The following PET117 variants were observed in gnomAD, a reference collection of about 807,000 sequenced individuals.
The protein encoded by PET117 is PET117 cytochrome c oxidase chaperone, also known as protein PET117 homolog, mitochondrial.
In PET117, 10 loss-of-function variants were observed where a neutral mutation model predicts 9.2. The observed-to-expected ratio is 1.09, with a 90% confidence interval of 0.67 to 1.85. The LOEUF (loss-of-function observed/expected upper bound fraction) is 1.85. Ranked by LOEUF, PET117 falls within the 40% of genes most tolerant of loss-of-function variation. The pLI, the probability that PET117 is intolerant of heterozygous loss-of-function variation, is 0.00. For synonymous variants in PET117, 43 were observed against 37.1 expected, an observed-to-expected ratio of 1.16 and a Z score of -0.57; for missense variants, 96 against 98.2, an observed-to-expected ratio of 0.98 and a Z score of 0.09.
At position 18,138,038 on chromosome 20, in the gene PET117, A is replaced by C. The variant is rs1221352255; in HGVS notation, c.83A>C (p.Gln28Pro). 1.3e-6 allele frequency: 2 copies of C among 1,490,464 alleles called. No individual in the cohort carries two copies. Among genetic ancestry groups the C allele is most frequent in the African/African-American group, 1.5e-5 (1 of 68,616 alleles). 92.3% of individuals were successfully genotyped at this position (1,490,464 alleles called of 1,614,324 possible). A position where few individuals can be genotyped will look rare whatever the true frequency, so the allele number is the denominator to read the frequency against. The change falls in exon 1 of 2, where the codon CAG becomes CCG. Residue 28 changes from glutamine (Q) to proline (P), a missense_variant. Physicochemically the swap from Gln to Pro is moderately conservative, Grantham distance 76 (BLOSUM62 -1). Transcript: ENST00000432901. ...GTGGCCGGCGTACATGTGAAGCAGC[A>C]GTGGGACCAGCAGGTCGGTGTCACG... The part of the protein sequence containing the change: ...ATVAGVHVKQ[Q>P]WDQQRLRDGV...
rs748045482 is a variant in PET117, at chr20:18,137,881, C to G, written c.-75C>G. On this transcript the variant is annotated 5_prime_UTR_variant, in exon 1 of 2. Transcript: ENST00000432901. ...AGGGGTCGAGCCTGGGCAGTACAGG[C>G]GGCGGTGCGCACTCTGCGGCGGCCT... The G allele has an allele frequency of 1.6e-5, 22 of 1,385,722 alleles. No homozygotes were observed. The highest frequency in any genetic ancestry group is 3.0e-5 in the Admixed American group (1 of 32,924). The allele number at this position is 1,385,722 out of a possible 1,614,324, so 85.8% of individuals were successfully genotyped here. A position where few individuals can be genotyped will look rare whatever the true frequency, so the allele number is the denominator to read the frequency against.
intron 1 of PET117, among the ~76,000 whole-genome samples, chr20:18,140,222 G>A (rs539615028): frequency 2.6e-5 from 4 of 152,138 alleles, no homozygotes; most frequent in East Asian, 3.9e-4. Flanking sequence ...AGAAGCACAG[G>A]ACAGGAAGAC....
At chr20:18,138,280 G>T in intron 1 of PET117, 1 of 1,217,188 alleles carries the variant, frequency 8.2e-7, no homozygotes, top group Non-Finnish European at 1.0e-6. Flanking sequence ...GGACGACCCG[G>T]CTGCCCGGCT....
chr20:18,142,591 C>T lies in PET117; in HGVS notation c.*234C>T. 2 of 1,591,146 alleles carry T rather than the reference C, an allele frequency of 1.3e-6. No individual in the cohort carries two copies. The highest frequency in any genetic ancestry group is 1.7e-6 in the Non-Finnish European group (2 of 1,167,038). The stretch of plus-strand genomic sequence containing the variant: ...TGTCTGGGTGATCCTGGTAGAAGCC[C>T]CATTAGGGTCACTGTCCAGTGCTTA... On this transcript the variant is annotated 3_prime_UTR_variant, in exon 2 of 2. Coordinates refer to ENST00000432901, the MANE Select transcript of PET117 (RefSeq NM_001164811.2).
In PET117 at chr20:18,142,743, AG is replaced by A; in HGVS notation, c.*388del. On this transcript the variant is annotated 3_prime_UTR_variant, in exon 2 of 2. Transcript: ENST00000432901. ...AGAACATCGACCTCAGAAGGACTGG[AG>A]GAAGGTGAAGTGGAGGGAGAGACGC... 6.2e-7 allele frequency: 1 copy of A among 1,614,208 alleles called. No homozygotes were observed. Among genetic ancestry groups the A allele is most frequent in the Non-Finnish European group, 8.5e-7 (1 of 1,180,034 alleles).
intron 1 of PET117, among the ~76,000 whole-genome samples, chr20:18,141,249 G>A (rs1200952193): frequency 2.0e-5 from 3 of 151,884 alleles, no homozygotes; most frequent in Admixed American, 1.3e-4. Flanking sequence ...AATGACTGAT[G>A]TTTTTAAAAG....
At position 18,138,092 on chromosome 20, in the gene PET117, G is replaced by C. The variant is rs781765358; in HGVS notation, c.96+41G>C. 1.9e-5 allele frequency: 28 copies of C among 1,438,304 alleles called. No individual in the cohort carries two copies. In the African/African-American group the frequency reaches 3.4e-4, roughly 18 times the overall value. 89.1% of individuals were successfully genotyped at this position (1,438,304 alleles called of 1,614,324 possible). ...CCGTCTCTTCCGGGCCCGCGCGCGCGGCGTCGACCTGGGGCCTCTCGTGGT... is the reference window on the plus strand; with the variant it reads ...CCGTCTCTTCCGGGCCCGCGCGCGCCGCGTCGACCTGGGGCCTCTCGTGGT... On this transcript the variant is annotated intron_variant, in intron 1 of 1. Transcript: ENST00000432901.
At chr20:18,139,676 T>TGTG (rs1568660990) in intron 1 of PET117, among the ~76,000 whole-genome samples, 7 of 77,650 alleles carry the variant, frequency 9.0e-5, no homozygotes, top group Non-Finnish European at 2.2e-4. Flanking sequence ...GTGTGTGTGT[T>TGTG]TATTTTTTTT....
chr20:18,141,588 T>C (rs77487223), intron 1 of PET117, among the ~76,000 whole-genome samples: 5,180 of 152,280 alleles, frequency 0.034, 153 homozygotes, highest in African/African-American at 0.077. Context: ...AATTAAACTT[T>C]AAAAATTTAA....
Position 18,138,010 on chromosome 20 carries a change from A to G in PET117, c.55A>G (p.Thr19Ala). The stretch of plus-strand genomic sequence containing the variant: ...CCTCTCGGTGCTGCTGACGGCGGCC[A>G]CAGTGGCCGGCGTACATGTGAAGCA... ...LGLSVLLTAA[T>A]VAGVHVKQQW... Residue 19 changes from threonine to alanine, a missense_variant, in exon 1 of 2, where the codon ACA (threonine) becomes GCA (alanine). Transcript: ENST00000432901. 2 of 1,502,510 alleles carry G rather than the reference A, an allele frequency of 1.3e-6. No homozygotes were observed. Among genetic ancestry groups the G allele is most frequent in the Non-Finnish European group, 1.8e-6 (2 of 1,132,372 alleles). 93.1% of individuals were successfully genotyped at this position (1,502,510 alleles called of 1,614,324 possible). A position where few individuals can be genotyped will look rare whatever the true frequency, so the allele number is the denominator to read the frequency against.
chr20:18,138,048 GC>G lies in PET117; in HGVS notation c.94del (p.Gln32ArgfsTer30). 1 of 1,483,484 alleles carries G rather than the reference GC, an allele frequency of 6.7e-7. No individual in the cohort carries two copies. Among genetic ancestry groups the G allele is most frequent in the Non-Finnish European group, 8.9e-7 (1 of 1,123,370 alleles). The allele number at this position is 1,483,484 out of a possible 1,614,324, so 91.9% of individuals were successfully genotyped here. ...GVHVKQQWDQ[Q>X]RLRDGVIRDI... ...TACATGTGAAGCAGCAGTGGGACCA[GC>G]AGGTCGGTGTCACGTGACCGTCTCT... On this transcript the variant is annotated frameshift_variant and splice_region_variant, in exon 1 of 2. Coordinates refer to ENST00000432901, the MANE Select transcript of PET117 (RefSeq NM_001164811.2). LOFTEE classifies it high-confidence loss of function.
At position 18,142,728 on chromosome 20, in the gene PET117, C is replaced by A; in HGVS notation, c.*371C>A. Reference sequence around the variant, plus strand: ...GATGACGAAGCCACGAGAACATCGACCTCAGAAGGACTGGAGGAAGGTGAA... The same window carrying A: ...GATGACGAAGCCACGAGAACATCGAACTCAGAAGGACTGGAGGAAGGTGAA... On this transcript the variant is annotated 3_prime_UTR_variant, in exon 2 of 2. Coordinates refer to ENST00000432901, the MANE Select transcript of PET117 (RefSeq NM_001164811.2). 1 of 1,614,150 alleles carries A rather than the reference C, an allele frequency of 6.2e-7. No individual in the cohort carries two copies. Among genetic ancestry groups the A allele is most frequent in the Non-Finnish European group, 8.5e-7 (1 of 1,180,032 alleles).
At position 18,142,242 on chromosome 20, in the gene PET117, G is replaced by A. The variant is rs1361438759; in HGVS notation, c.131G>A (p.Arg44Lys). ...LRDGVIRDIE[R>K]QIRKKENIRL... ...GACGGAGTTATCAGAGACATTGAGA[G>A]GCAAATTCGGAAAAAAGAAAACATT... The change falls in exon 2 of 2, where the codon AGG (arginine) becomes AAG (lysine). Residue 44 changes from arginine to lysine, a missense_variant. Physicochemically the swap from Arg to Lys is conservative, Grantham distance 26. Coordinates refer to ENST00000432901, the MANE Select transcript of PET117 (RefSeq NM_001164811.2). 5 of 1,537,012 alleles carry A rather than the reference G, an allele frequency of 3.3e-6. No individual in the cohort carries two copies. Among genetic ancestry groups the A allele is most frequent in the Non-Finnish European group, 4.4e-6 (5 of 1,146,900 alleles).
chr20:18,142,314 A>G lies in PET117; in HGVS notation c.203A>G (p.Glu68Gly). 1.3e-6 allele frequency: 2 copies of G among 1,537,070 alleles called. No homozygotes were observed. Among genetic ancestry groups the G allele is most frequent in the South Asian group, 2.4e-5 (2 of 83,992 alleles). Reference protein sequence around the residue: ...QIILTEQLEAEREKMLLAKGS... With the variant: ...QIILTEQLEAGREKMLLAKGS... The stretch of plus-strand genomic sequence containing the variant: ...ATTTTGACTGAGCAACTTGAAGCAG[A>G]AAGAGAGAAGATGTTATTGGCAAAA... Residue 68 changes from glutamate (E) to glycine (G), a missense_variant, in exon 2 of 2, where the codon GAA (glutamate) becomes GGA (glycine). By Grantham distance (98) the Glu-to-Gly change is moderately conservative. Coordinates refer to ENST00000432901, the MANE Select transcript of PET117 (RefSeq NM_001164811.2).
In PET117 at chr20:18,142,125, ACACTGTTATTTGGATTTGAATGG is replaced by A. The variant is rs1171397533; in HGVS notation, c.97-79_97-57del. On this transcript the variant is annotated intron_variant, in intron 1 of 1. Transcript: ENST00000432901. Reference sequence around the variant, plus strand: ...TGAAAGTTTTAAGTATATTTTGGTAACACTGTTATTTGGATTTGAATGGCACAAGGATGGGGACCACCTGTTCG... The same window carrying A: ...TGAAAGTTTTAAGTATATTTTGGTAACACAAGGATGGGGACCACCTGTTCG... 2.8e-5 allele frequency: 38 copies of A among 1,363,070 alleles called. No homozygotes were observed. The East Asian group carries it at 8.6e-4, about 31-fold the overall frequency. The allele number at this position is 1,363,070 out of a possible 1,614,324, so 84.4% of individuals were successfully genotyped here.
Position 18,142,134 on chromosome 20 carries a change from T to C in PET117, c.97-74T>C, listed in dbSNP as rs557964031. 124 of 1,424,020 alleles carry C rather than the reference T, an allele frequency of 8.7e-5. No homozygotes were observed. The South Asian group carries it at 1.7e-3, about 19-fold the overall frequency. 88.2% of individuals were successfully genotyped at this position (1,424,020 alleles called of 1,614,324 possible). On this transcript the variant is annotated intron_variant, in intron 1 of 1. Transcript: ENST00000432901. ...TAAGTATATTTTGGTAACACTGTTA[T>C]TTGGATTTGAATGGCACAAGGATGG...
intron 1 of PET117, among the ~76,000 whole-genome samples, chr20:18,141,126 G>T (rs57508015): frequency 0.14 from 20,768 of 147,414 alleles, 2,090 homozygotes; most frequent in African/African-American, 0.29. Flanking sequence ...CAGTCTGCCT[G>T]CCTTGGCCTA....
rs199532746 is a variant in PET117 at position 18,142,690 on chromosome 20, G to A, written c.*333G>A. On this transcript the variant is annotated 3_prime_UTR_variant, in exon 2 of 2. Transcript: ENST00000432901. Reference sequence around the variant, plus strand: ...ATAGTAGCATCCACCTGAGTAGTCTGATCAGTCGGCATGATGACGAAGCCA... The same window carrying A: ...ATAGTAGCATCCACCTGAGTAGTCTAATCAGTCGGCATGATGACGAAGCCA... 1 of 1,614,180 alleles carries A rather than the reference G, an allele frequency of 6.2e-7. No individual in the cohort carries two copies. Among genetic ancestry groups the A allele is most frequent in the Admixed American group, 1.7e-5 (1 of 60,022 alleles).
intron 1 of PET117, among the ~76,000 whole-genome samples, chr20:18,140,846 C>CAAT (rs1297579266): frequency 1.1e-3 from 137 of 120,994 alleles, no homozygotes; most frequent in Non-Finnish European, 2.1e-3. Context: ...ACCAATAAAA[C>CAAT]AAAACAAAAA....
Sources: gnomAD v4.1 joint callset for allele counts (sites outside exome capture counted in the v4.1 genomes callset) on GRCh38, gnomAD v4.1.1 for gene constraint, MANE v1.5 for transcripts, NCBI Gene and HGNC (gene_info 2026-07-23, HGNC 2026-07-21) for gene names.